The following MRPS6 variants were observed in gnomAD, a reference collection of about 807,000 sequenced individuals.
MRPS6 encodes the protein small ribosomal subunit protein bS6m.
Under a neutral mutation model 13.1 loss-of-function variants are expected in MRPS6, and 6 were observed. That is an observed-to-expected ratio of 0.46 (90% CI 0.25 to 0.91). The LOEUF is 0.91. Ranked by LOEUF, MRPS6 falls within the 40% of genes least tolerant of loss-of-function variation. The pLI, the probability that MRPS6 is intolerant of heterozygous loss-of-function variation, is 0.18. For synonymous variants in MRPS6, 61 were observed against 56.5 expected, an observed-to-expected ratio of 1.08 and a Z score of -0.36; for missense variants, 164 against 155.6, an observed-to-expected ratio of 1.05 and a Z score of -0.29.
intron 2 of MRPS6, among the ~76,000 whole-genome samples, chr21:34,126,403 A>G (rs184107892): frequency 6.6e-6 from 1 of 152,344 alleles, no homozygotes; most frequent in African/African-American, 2.4e-5. Flanking sequence ...AGGCTTTCTT[A>G]CTGCATTTAA....
chr21:34,135,882 A>G (rs1980680082), intron 2 of MRPS6: 2 of 537,194 alleles, frequency 3.7e-6, no homozygotes. Context: ...GTTTGGCAGC[A>G]TAAGGCCCTG....
chr21:34,101,767 A>G, intron 1 of MRPS6: 2 of 996,108 alleles, frequency 2.0e-6, no homozygotes, highest in South Asian at 9.4e-5. Context: ...AGTATACTGA[A>G]TTTCTGTTAG....
At chr21:34,115,526 A>G (rs1979864970) in intron 1 of MRPS6, among the ~76,000 whole-genome samples, 1 of 152,194 alleles carries the variant, frequency 6.6e-6, no homozygotes, top group Non-Finnish European at 1.5e-5. Context: ...TGATGCTGGA[A>G]GTACCAGCTT....
At chr21:34,098,617 T>C (rs2148660406) in intron 1 of MRPS6, 1 of 1,000,294 alleles carries the variant, frequency 1.0e-6, no homozygotes, top group African/African-American at 1.7e-5. Context: ...AATATAGTCT[T>C]TCTGTAGGAT....
rs575961867 is a variant in MRPS6, at chr21:34,100,032, A to G, written c.46-25309A>G. 3.9e-5 allele frequency: 37 copies of G among 942,184 alleles called. No homozygotes were observed. In the African/African-American group the frequency reaches 5.5e-4, roughly 14 times the overall value. The allele number at this position is 942,184 out of a possible 1,614,324, so 58.4% of individuals were successfully genotyped here. ...AAAATGTTCATACTTTACACTGACTAAATGGGTCCTAAATGATGACATTGG... is the reference window on the plus strand; with the variant it reads ...AAAATGTTCATACTTTACACTGACTGAATGGGTCCTAAATGATGACATTGG... On this transcript the variant is annotated intron_variant, in intron 1 of 2. Coordinates refer to ENST00000399312, the MANE Select transcript of MRPS6 (RefSeq NM_032476.4).
At chr21:34,098,218 A>G (rs1863472522) in intron 1 of MRPS6, 3 of 999,202 alleles carry the variant, frequency 3.0e-6, no homozygotes, top group Admixed American at 6.1e-5. Flanking sequence ...TATGCTAATC[A>G]GATGATTACT....
intron 1 of MRPS6, among the ~76,000 whole-genome samples, chr21:34,089,939 T>C (rs746396028): frequency 3.3e-4 from 50 of 152,252 alleles, no homozygotes; most frequent in Non-Finnish European, 5.9e-5. Flanking sequence ...ATCCCGTATC[T>C]TAAATGCTTG....
intron 1 of MRPS6, chr21:34,104,040 A>G (rs1458100658): frequency 1.0e-6 from 1 of 1,000,032 alleles, no homozygotes; most frequent in African/African-American, 1.7e-5. Flanking sequence ...CCAAACATGC[A>G]GAAAGTCATA....
At chr21:34,102,701 C>G in intron 1 of MRPS6, 2 of 1,000,082 alleles carry the variant, frequency 2.0e-6, no homozygotes, top group Non-Finnish European at 2.4e-6. Flanking sequence ...AGCTGAAGAG[C>G]GAGCAAATCA....
intron 2 of MRPS6, among the ~76,000 whole-genome samples, chr21:34,139,145 A>G (rs959334647): frequency 6.9e-5 from 9 of 131,374 alleles, no homozygotes; most frequent in African/African-American, 2.0e-4. Context: ...TTGAGAACAC[A>G]TGGACACTGG....
chr21:34,096,693 C>T lies in MRPS6; in HGVS notation c.45+22948C>T. 1 of 1,614,106 alleles carries T rather than the reference C, an allele frequency of 6.2e-7. No individual in the cohort carries two copies. Among genetic ancestry groups the T allele is most frequent in the Non-Finnish European group, 8.5e-7 (1 of 1,180,000 alleles). ...CTACCGTGCCCCAGAATGTGACCAA[C>T]CTGATAATAGGCCGGGCTTCATCAA... On this transcript the variant is annotated intron_variant, in intron 1 of 2. Coordinates refer to ENST00000399312, the MANE Select transcript of MRPS6 (RefSeq NM_032476.4). The surrounding 1 kb of genome is among the most constrained non-coding windows in gnomAD (Gnocchi z 5.9).
At chr21:34,106,121 A>T (rs1270052982) in intron 1 of MRPS6, 1 of 997,176 alleles carries the variant, frequency 1.0e-6, no homozygotes, top group Non-Finnish European at 1.2e-6. Flanking sequence ...CTTCAAAAGT[A>T]TTTGGAAACT....
At chr21:34,109,415 A>G (rs1979609217) in intron 1 of MRPS6, among the ~76,000 whole-genome samples, 1 of 152,200 alleles carries the variant, frequency 6.6e-6, no homozygotes, top group Admixed American at 6.5e-5. Flanking sequence ...TGAGTTTTAA[A>G]CTGAAGGATA....
intron 1 of MRPS6, chr21:34,123,504 C>T (rs1027186092): frequency 4.0e-5 from 6 of 151,898 alleles, no homozygotes; most frequent in African/African-American, 1.5e-4. Flanking sequence ...GCCCTGTCAG[C>T]ATCTCTCTAG....
chr21:34,098,079 G>A (rs1450963294), intron 1 of MRPS6: 1 of 999,064 alleles, frequency 1.0e-6, no homozygotes, highest in Non-Finnish European at 1.2e-6. Context: ...TGTCATGATT[G>A]TGTTGTTAAA....
At chr21:34,102,727 G>T in intron 1 of MRPS6, 1 of 1,000,146 alleles carries the variant, frequency 1.0e-6, no homozygotes, top group Non-Finnish European at 1.2e-6. Context: ...AAACACAGTG[G>T]TCTCAGATTT....
At chr21:34,079,666 A>G (rs911795806) in intron 1 of MRPS6, among the ~76,000 whole-genome samples, 2 of 117,054 alleles carry the variant, frequency 1.7e-5, no homozygotes, top group African/African-American at 6.7e-5. Flanking sequence ...GTTGGCCAGG[A>G]TGGTCTCAAT....
intron 1 of MRPS6, chr21:34,104,860 A>G: frequency 5.0e-6 from 5 of 1,000,130 alleles, no homozygotes; most frequent in Non-Finnish European, 6.0e-6. Context: ...GTTTGTAAGA[A>G]CTGTACAAAA....
rs536690857 is a variant in MRPS6 at position 34,106,076 on chromosome 21, G to T, written c.46-19265G>T. Reference sequence around the variant, plus strand: ...CTCTGTAAAATACACTGTTCTTTGTGTACTGTGTGTTATTTTGCCAGCTGC... The same window carrying T: ...CTCTGTAAAATACACTGTTCTTTGTTTACTGTGTGTTATTTTGCCAGCTGC... On this transcript the variant is annotated intron_variant, in intron 1 of 2. Coordinates refer to ENST00000399312, the MANE Select transcript of MRPS6 (RefSeq NM_032476.4). 340 of 998,502 alleles carry T rather than the reference G, an allele frequency of 3.4e-4. No individual in the cohort carries two copies. The South Asian group carries it at 7.0e-3, about 21-fold the overall frequency. The allele number at this position is 998,502 out of a possible 1,614,324, so 61.9% of individuals were successfully genotyped here.
Sources: allele counts gnomAD v4.1 joint callset (sites outside exome capture counted in the v4.1 genomes callset), GRCh38; gene constraint gnomAD v4.1.1; non-coding constraint Gnocchi (gnomAD v3.1); transcripts MANE v1.5; gene names NCBI Gene and HGNC (gene_info 2026-07-23, HGNC 2026-07-21).